The following EYS variants were observed in gnomAD, a reference collection of about 807,000 sequenced individuals.
The protein encoded by EYS is EGF-like photoreceptor maintenance factor, also known as protein eyes shut homolog.
In EYS, 250 loss-of-function variants were observed where a neutral mutation model predicts 282.1. That is an observed-to-expected ratio of 0.89 (90% CI 0.80 to 0.98). The LOEUF (loss-of-function observed/expected upper bound fraction) is 0.98, where lower values mean the gene tolerates loss of function less well. Among genes scored for constraint, EYS ranks in the 50% least tolerant of loss-of-function variants. EYS has a pLI of 0.00. For missense variants in EYS, 4,016 were observed against 3,709.0 expected, an observed-to-expected ratio of 1.08 and a Z score of -2.15; for synonymous variants, 1,355 against 1,282.9, an observed-to-expected ratio of 1.06 and a Z score of -1.20.
At chr6:64,241,657 T>TGTGTG (rs1562268367) in intron 30 of EYS, among the ~76,000 whole-genome samples, 5 of 149,154 alleles carry the variant, frequency 3.4e-5, no homozygotes, top group African/African-American at 1.2e-4. Context: ...TTGAAGGTTT[T>TGTGTG]TGTGTGTGTG....
intron 29 of EYS, among the ~76,000 whole-genome samples, chr6:64,388,083 T>C (rs1055475786): frequency 6.6e-6 from 1 of 152,136 alleles, no homozygotes; most frequent in Non-Finnish European, 1.5e-5. Context: ...TTAACAACCT[T>C]CAATTTTTAA....
intron 5 of EYS, among the ~76,000 whole-genome samples, chr6:65,446,981 C>T (rs1389995350): frequency 1.3e-5 from 2 of 151,628 alleles, no homozygotes; most frequent in Non-Finnish European, 3.0e-5. Context: ...AGACTTCTCA[C>T]ATAACAGACA....
At chr6:65,652,521 C>T (rs1767692934) in intron 1 of EYS, among the ~76,000 whole-genome samples, 1 of 151,754 alleles carries the variant, frequency 6.6e-6, no homozygotes, top group Non-Finnish European at 1.5e-5. Flanking sequence ...AATGTATGTT[C>T]AAATCACAGA....
rs570103776 is a variant in EYS, at chr6:63,730,199, G to T, written c.8072-3519C>A. On this transcript the variant is annotated intron_variant, in intron 41 of 42. Coordinates refer to ENST00000503581, the MANE Select transcript of EYS (RefSeq NM_001142800.2). ...TAGCTGCATGATATATTTCATATTT[G>T]CCCCATCTTTCTATTACCACTGCCA... Among the ~76,000 whole-genome samples, 32 of 152,138 alleles carry T rather than the reference G, an allele frequency of 2.1e-4. 1 individual carries two copies. In the South Asian group the frequency reaches 6.6e-3, roughly 32 times the overall value.
chr6:64,484,850 T>A (rs1392883053), intron 26 of EYS, among the ~76,000 whole-genome samples: 5 of 151,404 alleles, frequency 3.3e-5, no homozygotes, highest in Admixed American at 1.3e-4. Context: ...ATACAACACA[T>A]CTTCAAGGAC....
intron 22 of EYS, among the ~76,000 whole-genome samples, chr6:64,643,028 T>G (rs1025394345): frequency 1.3e-5 from 2 of 151,488 alleles, no homozygotes; most frequent in African/African-American, 4.8e-5. Flanking sequence ...GGCAGGAGAA[T>G]CACTTGAACC....
intron 30 of EYS, among the ~76,000 whole-genome samples, chr6:64,238,284 G>A (rs752883495): frequency 2.0e-4 from 31 of 152,240 alleles, no homozygotes; most frequent in Non-Finnish European, 3.1e-4. Context: ...TCAGGGCATT[G>A]CAGACCGCTG....
intron 40 of EYS, among the ~76,000 whole-genome samples, chr6:63,772,590 A>G (rs865818903): frequency 1.8e-4 from 28 of 152,148 alleles, no homozygotes; most frequent in African/African-American, 6.5e-4. Flanking sequence ...GCTATAATCT[A>G]CTGTATAGTC....
intron 35 of EYS, among the ~76,000 whole-genome samples, chr6:63,982,591 A>G (rs12212447): frequency 0.24 from 36,557 of 151,626 alleles, 5,333 homozygotes; most frequent in Non-Finnish European, 0.33. Flanking sequence ...AAAGGCAGCA[A>G]AAGAGATAAT....
chr6:65,699,591 A>T (rs1769583277), intron 1 of EYS, among the ~76,000 whole-genome samples: 1 of 152,168 alleles, frequency 6.6e-6, no homozygotes, highest in African/African-American at 2.4e-5. Context: ...TGGTGTGTGT[A>T]ATCTATTCAT....
At position 64,876,048 on chromosome 6, in the gene EYS, TGA is replaced by T. The variant is rs201048566; in HGVS notation, c.2992+10647_2992+10648del. On this transcript the variant is annotated intron_variant, in intron 19 of 42. Coordinates refer to ENST00000503581, the MANE Select transcript of EYS (RefSeq NM_001142800.2). ...GGTTTCAATTTAGAAAGATTTATTA[TGA>T]GTTAGTGAATAATATAAAAAGTCTA... 7.7e-3 allele frequency among the ~76,000 whole-genome samples: 1,172 copies of T among 152,148 alleles called. 13 individuals carry two copies. Among genetic ancestry groups the T allele is most frequent in the African/African-American group, 0.026 (1,089 of 41,550 alleles).
In EYS at chr6:65,007,111, C is replaced by T. The variant is rs192177913; in HGVS notation, c.2138-9408G>A. On this transcript the variant is annotated intron_variant, in intron 13 of 42. Coordinates refer to ENST00000503581, the MANE Select transcript of EYS (RefSeq NM_001142800.2). ...TCCCTTTTTTTGTGGTCAAGAGAGG[C>T]GGGTAAAACAGATGCAGGACTGCTA... 7.2e-5 allele frequency among the ~76,000 whole-genome samples: 11 copies of T among 152,156 alleles called. 1 individual carries two copies. The highest frequency in any genetic ancestry group is 1.9e-4 in the African/African-American group (8 of 41,528).
intron 13 of EYS, among the ~76,000 whole-genome samples, chr6:65,033,149 G>A (rs1337217442): frequency 6.6e-6 from 1 of 152,168 alleles, no homozygotes; most frequent in Non-Finnish European, 1.5e-5. Context: ...TGGCCTTGCT[G>A]CTTCTAACAA....
At chr6:65,151,938 T>A (rs1431638438) in intron 12 of EYS, among the ~76,000 whole-genome samples, 1 of 151,982 alleles carries the variant, frequency 6.6e-6, no homozygotes, top group South Asian at 2.1e-4. Flanking sequence ...TATAATTTTG[T>A]TTTGATTTAA....
chr6:64,848,771 T>C (rs1765792840), intron 19 of EYS, among the ~76,000 whole-genome samples: 1 of 152,060 alleles, frequency 6.6e-6, no homozygotes, highest in Non-Finnish European at 1.5e-5. Context: ...GATCAGAATA[T>C]GAGTCCATCT....
At position 65,692,362 on chromosome 6, in the gene EYS, T is replaced by C. The variant is rs559655326; in HGVS notation, c.-448+14773A>G. On this transcript the variant is annotated intron_variant, in intron 1 of 42. Coordinates refer to ENST00000503581, the MANE Select transcript of EYS (RefSeq NM_001142800.2). ...GAGTGAACTTCACCACTGTGCAATA[T>C]AGCCATATAATAATACCACACTTGT... is the stretch of plus-strand genomic sequence containing the variant. Among the ~76,000 whole-genome samples the C allele has an allele frequency of 8.7e-5, 13 of 150,018 alleles. 1 individual carries two copies. The South Asian group carries it at 1.7e-3, about 20-fold the overall frequency.
intron 26 of EYS, among the ~76,000 whole-genome samples, chr6:64,453,078 C>A (rs1775419768): frequency 6.6e-6 from 1 of 152,126 alleles, no homozygotes; most frequent in Non-Finnish European, 1.5e-5. Flanking sequence ...AGGCAACCTA[C>A]AGAATGGGAG....
intron 22 of EYS, among the ~76,000 whole-genome samples, chr6:64,789,292 T>A (rs1416691821): frequency 6.6e-6 from 1 of 152,216 alleles, no homozygotes; most frequent in Non-Finnish European, 1.5e-5. Context: ...CTTGAGACCC[T>A]GATTCTCAGC....
At chr6:64,930,853 A>G (rs549615058) in intron 15 of EYS, among the ~76,000 whole-genome samples, 2 of 152,254 alleles carry the variant, frequency 1.3e-5, no homozygotes, top group African/African-American at 2.4e-5. Context: ...TTGGCAAAAC[A>G]TGCTCCAGAG....
Sources: gnomAD v4.1 joint callset for allele counts (sites outside exome capture counted in the v4.1 genomes callset) on GRCh38, gnomAD v4.1.1 for gene constraint, MANE v1.5 for transcripts, NCBI Gene and HGNC (gene_info 2026-07-23, HGNC 2026-07-21) for gene names.